Variants in MGA observed in about 807,000 individuals in gnomAD.
MGA encodes MAX dimerization protein MGA.
MGA carries 40 observed loss-of-function variants against 261.1 expected under a neutral mutation model. The observed-to-expected ratio is 0.15, with a 90% CI of 0.12 to 0.20. The LOEUF (loss-of-function observed/expected upper bound fraction) is 0.20, where lower values mean the gene tolerates loss of function less well. Among genes scored for constraint, MGA ranks in the 10% least tolerant of loss-of-function variants. The pLI, the probability that MGA is intolerant of heterozygous loss-of-function variation, is 1.00. For missense variants in MGA, 3,397 were observed against 3,630.5 expected (o/e 0.94, Z 1.65); for synonymous variants, 1,302 against 1,290.6 (o/e 1.01, Z -0.19).
In MGA at chr15:41,679,888, T is replaced by C. The variant is rs889898359; in HGVS notation, c.1064+9930T>C. On this transcript the variant is annotated intron_variant, in intron 2 of 23. Coordinates refer to ENST00000219905, the MANE Select transcript of MGA (RefSeq NM_001164273.2). Reference sequence around the variant, plus strand: ...TGTCTAATTGCTCTAAATAGGACTTTCAGTAGTAGGTGGCAAATAGTGGCA... The same window carrying C: ...TGTCTAATTGCTCTAAATAGGACTTCCAGTAGTAGGTGGCAAATAGTGGCA... Among the ~76,000 whole-genome samples the C allele has an allele frequency of 3.9e-5, 6 of 152,244 alleles. No homozygotes were observed. In the East Asian group the frequency reaches 7.7e-4, roughly 20 times the overall value.
intron 23 of MGA, among the ~76,000 whole-genome samples, chr15:41,765,501 T>A (rs1333871302): frequency 1.3e-5 from 2 of 152,224 alleles, no homozygotes; most frequent in East Asian, 3.9e-4. Flanking sequence ...GGTGATTAGG[T>A]TCCAGGCAAC....
chr15:41,640,493 C>T (rs960001036), intron 1 of MGA, among the ~76,000 whole-genome samples: 2 of 151,972 alleles, frequency 1.3e-5, no homozygotes, highest in Middle Eastern at 3.4e-3. Context: ...GTGACATTAG[C>T]GTCTAACATT....
At chr15:41,739,356 C>A (rs1317698675) in intron 13 of MGA, among the ~76,000 whole-genome samples, 1 of 152,138 alleles carries the variant, frequency 6.6e-6, no homozygotes, top group Non-Finnish European at 1.5e-5. Flanking sequence ...CAAAGCTAAG[C>A]TTTTTGAAAA....
chr15:41,726,187 T>C (rs2061238720), intron 9 of MGA, among the ~76,000 whole-genome samples: 1 of 152,204 alleles, frequency 6.6e-6, no homozygotes, highest in East Asian at 1.9e-4. Context: ...GCTTGGTCTC[T>C]GGAGCCAGAT....
In MGA at chr15:41,750,167, T is replaced by G; in HGVS notation, c.6560T>G (p.Val2187Gly). Residue 2187 changes from valine to glycine, a missense_variant, in exon 17 of 24, where the codon GTT becomes GGT. By Grantham distance (109) the Val-to-Gly change is moderately radical. Transcript: ENST00000219905. ...AAGGGCCCCTTAACCAGGAAATGTG[T>G]TGGAGCTTCACAGGAATGTAAGAAA... The G allele has an allele frequency of 6.2e-7, 1 of 1,613,892 alleles. No homozygotes were observed. The highest frequency in any genetic ancestry group is 8.5e-7 in the Non-Finnish European group (1 of 1,179,876).
chr15:41,670,020 AT>A, intron 2 of MGA, 62 bp downstream of exon 2: 1 of 1,344,214 alleles, frequency 7.4e-7, no homozygotes, highest in South Asian at 1.4e-5. Flanking sequence ...CAGGTGTTGG[AT>A]TTAACATCTT....
At chr15:41,666,485 T>C (rs1446536134) in intron 1 of MGA, among the ~76,000 whole-genome samples, 2 of 152,256 alleles carry the variant, frequency 1.3e-5, no homozygotes, top group African/African-American at 4.8e-5. Context: ...GGTACTATGT[T>C]CACTGCTTGG....
At chr15:41,710,056 A>C (rs2060311854) in intron 7 of MGA, among the ~76,000 whole-genome samples, 1 of 151,780 alleles carries the variant, frequency 6.6e-6, no homozygotes, top group Non-Finnish European at 1.5e-5. Flanking sequence ...CGAACTCCCG[A>C]CCTCAGGTGA....
chr15:41,643,500 A>G (rs1366373055), intron 1 of MGA, among the ~76,000 whole-genome samples: 1 of 151,920 alleles, frequency 6.6e-6, no homozygotes, highest in Non-Finnish European at 1.5e-5. Flanking sequence ...TCGACCTCCC[A>G]AAGTGCTGGG....
At chr15:41,640,816 C>T (rs1012576217) in intron 1 of MGA, among the ~76,000 whole-genome samples, 4 of 152,118 alleles carry the variant, frequency 2.6e-5, no homozygotes, top group Admixed American at 2.0e-4. Flanking sequence ...TGCGCCTGCC[C>T]TCCTCTTAGT....
At chr15:41,702,695 A>C (rs1169359110) in intron 5 of MGA, among the ~76,000 whole-genome samples, 1 of 152,218 alleles carries the variant, frequency 6.6e-6, no homozygotes, top group Non-Finnish European at 1.5e-5. Flanking sequence ...TAAGATTCTT[A>C]ATTTTTCTTT....
At chr15:41,695,976 G>A (rs2059534472) in intron 2 of MGA, 99 bp from the exon 3 acceptor site, 3 of 898,844 alleles carry the variant, frequency 3.3e-6, no homozygotes, top group Non-Finnish European at 5.0e-6. Flanking sequence ...AATCTGATGT[G>A]TTACTTGGAT....
chr15:41,719,782 T>A (rs950645726), intron 9 of MGA, among the ~76,000 whole-genome samples: 1 of 152,084 alleles, frequency 6.6e-6, no homozygotes, highest in Admixed American at 6.6e-5. Context: ...TGACATCATA[T>A]GTTGTAATTA....
intron 11 of MGA, among the ~76,000 whole-genome samples, chr15:41,730,652 CT>C (rs906429518): frequency 6.6e-6 from 1 of 152,100 alleles, no homozygotes; most frequent in Non-Finnish European, 1.5e-5. Context: ...TGAATGACAG[CT>C]TTTTTCAGTA....
intron 14 of MGA, among the ~76,000 whole-genome samples, chr15:41,740,927 G>A (rs2062054268): frequency 1.3e-5 from 2 of 152,174 alleles, no homozygotes; most frequent in South Asian, 4.1e-4. Context: ...AGTATCTATA[G>A]TTGGTTTATT....
intron 15 of MGA, among the ~76,000 whole-genome samples, chr15:41,747,770 A>T (rs1445903717): frequency 1.3e-5 from 2 of 152,138 alleles, no homozygotes; most frequent in African/African-American, 4.8e-5. Flanking sequence ...AGAGATAACC[A>T]TGTTTTTCTT....
chr15:41,711,902 G>A (rs1764267518), intron 8 of MGA, among the ~76,000 whole-genome samples: 3 of 151,978 alleles, frequency 2.0e-5, no homozygotes, highest in Admixed American at 1.3e-4. Context: ...CGCCATGTTA[G>A]TTAGACTGGT....
chr15:41,746,801 T>A lies in MGA; in HGVS notation c.5213-1836T>A, dbSNP rs141751815. On this transcript the variant is annotated intron_variant, in intron 15 of 23. Coordinates refer to ENST00000219905, the MANE Select transcript of MGA (RefSeq NM_001164273.2). ...TTTGTTTTGTTTCATTTGTTTGATT[T>A]TTTTTTCTCTTCAGTAGCAGACTTT... Among the ~76,000 whole-genome samples the A allele has an allele frequency of 7.2e-5, 11 of 152,204 alleles. No homozygotes were observed. In the East Asian group the frequency reaches 2.1e-3, roughly 29 times the overall value.
At chr15:41,706,357 C>T (rs1469607973) in intron 5 of MGA, among the ~76,000 whole-genome samples, 1 of 149,346 alleles carries the variant, frequency 6.7e-6, no homozygotes. Flanking sequence ...ATGTGGTCTT[C>T]CCACCTCAGC....
Sources: gnomAD v4.1 joint callset for allele counts (sites outside exome capture counted in the v4.1 genomes callset) on GRCh38, gnomAD v4.1.1 for gene constraint, MANE v1.5 for transcripts, NCBI Gene and HGNC (gene_info 2026-07-23, HGNC 2026-07-21) for gene names.